TMEM63C: variants seen among roughly 807,000 people sequenced by gnomAD.
TMEM63C encodes osmosensitive cation channel TMEM63C.
Under a neutral mutation model 99.2 loss-of-function variants are expected in TMEM63C, and 32 were observed. The observed-to-expected ratio is 0.32, with a 90% confidence interval of 0.24 to 0.43. TMEM63C has a LOEUF of 0.43. TMEM63C is among the 20% of genes least tolerant of loss of function. The pLI is 1.00. For missense variants in TMEM63C, 826 were observed against 1,053.0 expected, an observed-to-expected ratio of 0.78 and a Z score of 2.98; for synonymous variants, 376 against 397.9, an observed-to-expected ratio of 0.94 and a Z score of 0.66.
At chr14:77,197,552 C>T (rs558185774) in intron 1 of TMEM63C, among the ~76,000 whole-genome samples, 5 of 152,200 alleles carry the variant, frequency 3.3e-5, no homozygotes, top group African/African-American at 9.7e-5. Context: ...AGATTAACTA[C>T]GGTAATATCT....
chr14:77,219,104 A>G (rs1290949646), intron 3 of TMEM63C, 141 bp downstream of exon 3: 13 of 958,944 alleles, frequency 1.4e-5, no homozygotes, highest in Non-Finnish European at 1.8e-5. Flanking sequence ...AGTCCTGCCT[A>G]GGGTGGCCCC....
intron 21 of TMEM63C, among the ~76,000 whole-genome samples, chr14:77,250,808 C>A (rs1041031788): frequency 6.6e-6 from 1 of 152,150 alleles, no homozygotes; most frequent in Non-Finnish European, 1.5e-5. Flanking sequence ...TCCCTGCCAC[C>A]CCAGAGACTT....
intron 1 of TMEM63C, among the ~76,000 whole-genome samples, chr14:77,208,846 G>A (rs964575940): frequency 1.3e-5 from 2 of 152,236 alleles, no homozygotes; most frequent in Admixed American, 1.3e-4. Flanking sequence ...GCAGAGAGCA[G>A]CAGAAGCAGA....
At chr14:77,250,821 T>C (rs1054784078) in intron 21 of TMEM63C, among the ~76,000 whole-genome samples, 4 of 152,178 alleles carry the variant, frequency 2.6e-5, no homozygotes, top group African/African-American at 9.7e-5. Context: ...AGAGACTTCA[T>C]TTTTTCCATA....
chr14:77,218,795 TC>T lies in TMEM63C; in HGVS notation c.-13-3del. On this transcript the variant is annotated splice_polypyrimidine_tract_variant and splice_region_variant and intron_variant, in intron 2 of 23. Transcript: ENST00000298351. The stretch of plus-strand genomic sequence containing the variant: ...GCATCTGACCTGGATGCCCTCTGTT[TC>T]CCAGGGATCCTCCCAGGATGTCTGC... The T allele has an allele frequency of 1.2e-6, 2 of 1,612,288 alleles. No homozygotes were observed.
chr14:77,214,312 T>C (rs1888543865), intron 2 of TMEM63C, among the ~76,000 whole-genome samples: 1 of 152,142 alleles, frequency 6.6e-6, no homozygotes, highest in Non-Finnish European at 1.5e-5. Context: ...GTAAGTGCCT[T>C]GCTCAAGGTC....
At position 77,187,723 on chromosome 14, in the gene TMEM63C, G is replaced by A. The variant is rs1376812005; in HGVS notation, c.-77+5829G>A. The stretch of plus-strand genomic sequence containing the variant: ...GCCCTGATCTGTTCCCAGAGACAGA[G>A]GAAGGGAAGTGAGTGGGAAGAGCAG... On this transcript the variant is annotated intron_variant, in intron 1 of 23. Transcript: ENST00000298351. 2.0e-5 allele frequency among the ~76,000 whole-genome samples: 3 copies of A among 152,252 alleles called. No homozygotes were observed. The South Asian group carries it at 6.2e-4, about 31-fold the overall frequency.
rs754658816 is a variant in TMEM63C, at chr14:77,218,844, G to A, written c.31G>A (p.Gly11Arg). ...TGCCTCACCAGACGACCTGAGTACA[G>A]GGGGAAGGTTACAGAACATGACAGT... The part of the protein sequence containing the change: MSASPDDLST[G>R]GRLQNMTVDE... The change falls in exon 3 of 24, where the codon GGG becomes AGG. Residue 11 changes from glycine (G) to arginine (R), a missense_variant. By Grantham distance (125) the Gly-to-Arg change is moderately radical. Transcript: ENST00000298351. 1.2e-5 allele frequency: 20 copies of A among 1,613,468 alleles called. No individual in the cohort carries two copies. The highest frequency in any genetic ancestry group is 3.3e-5 in the Admixed American group (2 of 59,948).
chr14:77,232,356 C>T (rs1888958581), intron 7 of TMEM63C, among the ~76,000 whole-genome samples: 1 of 152,092 alleles, frequency 6.6e-6, no homozygotes, highest in Admixed American at 6.5e-5. Flanking sequence ...GGCGCGATCT[C>T]AGCTCACTGC....
chr14:77,250,181 A>G (rs1781149077), intron 21 of TMEM63C, among the ~76,000 whole-genome samples: 1 of 152,174 alleles, frequency 6.6e-6, no homozygotes, highest in Admixed American at 6.5e-5. Context: ...GGAAGAGGAA[A>G]CAGAGCCTGC....
At chr14:77,228,371 C>T (rs1036000908) in intron 6 of TMEM63C, among the ~76,000 whole-genome samples, 9 of 149,524 alleles carry the variant, frequency 6.0e-5, no homozygotes, top group African/African-American at 2.2e-4. Context: ...CCTTCCCCCG[C>T]TCTCCAGAAG....
At chr14:77,220,681 A>G (rs888097767) in intron 5 of TMEM63C, among the ~76,000 whole-genome samples, 1 of 152,092 alleles carries the variant, frequency 6.6e-6, no homozygotes, top group African/African-American at 2.4e-5. Flanking sequence ...ACGACCAGAC[A>G]GAGGCATGGT....
intron 23 of TMEM63C, among the ~76,000 whole-genome samples, 154 bp downstream of exon 23, chr14:77,253,530 A>C (rs948507907): frequency 2.6e-5 from 4 of 152,198 alleles, no homozygotes; most frequent in Non-Finnish European, 5.9e-5. Context: ...ATGGAGCAGG[A>C]CTTGGCCCAG....
At chr14:77,233,627 T>TC in intron 8 of TMEM63C, 127 bp downstream of exon 8, 1 of 990,978 alleles carries the variant, frequency 1.0e-6, no homozygotes. Flanking sequence ...TCCCTGGGAA[T>TC]CGGGTCCTGA....
intron 1 of TMEM63C, among the ~76,000 whole-genome samples, chr14:77,199,705 G>A (rs1357954492): frequency 6.6e-6 from 1 of 152,142 alleles, no homozygotes; most frequent in African/African-American, 2.4e-5. Flanking sequence ...TGTAGGCACC[G>A]GTTTTCCTGT....
chr14:77,225,304 G>A, intron 5 of TMEM63C, 120 bp from the exon 6 acceptor site: 1 of 734,478 alleles, frequency 1.4e-6, no homozygotes, highest in Non-Finnish European at 2.1e-6. Flanking sequence ...CTTTTTCCCA[G>A]GAAGGAGGCC....
At chr14:77,191,530 T>C (rs930025160) in intron 1 of TMEM63C, among the ~76,000 whole-genome samples, 2 of 123,572 alleles carry the variant, frequency 1.6e-5, no homozygotes, top group African/African-American at 5.8e-5. Flanking sequence ...CTTTTCTTTT[T>C]TCTTTTTCTT....
chr14:77,182,330 C>T (rs957644389), intron 1 of TMEM63C, among the ~76,000 whole-genome samples: 17 of 152,134 alleles, frequency 1.1e-4, no homozygotes, highest in African/African-American at 4.1e-4. Context: ...TCTGCTCCGC[C>T]GTTATGGGTT....
intron 2 of TMEM63C, among the ~76,000 whole-genome samples, chr14:77,214,792 A>G (rs960335936): frequency 4.0e-5 from 6 of 151,496 alleles, no homozygotes; most frequent in Non-Finnish European, 8.8e-5. Flanking sequence ...CCCGATCACC[A>G]CCGATAGCCG....
Sources: allele counts gnomAD v4.1 joint callset (sites outside exome capture counted in the v4.1 genomes callset), GRCh38; gene constraint gnomAD v4.1.1; transcripts MANE v1.5; gene names NCBI Gene and HGNC (gene_info 2026-07-23, HGNC 2026-07-21).